Variants in NAA11 observed in about 807,000 individuals in gnomAD.
The protein encoded by NAA11 is N-alpha-acetyltransferase 11, NatA catalytic subunit, also known as N-alpha-acetyltransferase 11.
A neutral mutation model predicts 16.1 loss-of-function variants in NAA11; 15 were observed. That is an observed-to-expected ratio of 0.93 (90% CI 0.62 to 1.44). NAA11 has a LOEUF of 1.44. Ranked by LOEUF, NAA11 falls within the 40% of genes most tolerant of loss-of-function variation. The probability of loss-of-function intolerance (pLI) is 0.00; values close to 1 mark genes in which losing one functional copy is unlikely to be tolerated. For synonymous variants in NAA11, 122 were observed against 112.4 expected, an observed-to-expected ratio of 1.09 and a Z score of -0.54; for missense variants, 298 against 291.3, an observed-to-expected ratio of 1.02 and a Z score of -0.17.
chr4:79,322,591 C>A (rs973059742), intron 1 of NAA11, among the ~76,000 whole-genome samples: 1 of 151,848 alleles, frequency 6.6e-6, no homozygotes, highest in African/African-American at 2.4e-5. Context: ...CAAATAACTA[C>A]AAAGATGAGA....
intron 1 of NAA11, among the ~76,000 whole-genome samples, 167 bp downstream of exon 1, chr4:79,325,009 A>G (rs1349917247): frequency 6.6e-6 from 1 of 152,152 alleles, no homozygotes; most frequent in Non-Finnish European, 1.5e-5. Flanking sequence ...ATAGCGTGTA[A>G]TGAGTCTCCC....
intron 2 of NAA11, among the ~76,000 whole-genome samples, chr4:79,228,610 T>C (rs1187964812): frequency 1.3e-5 from 2 of 151,932 alleles, no homozygotes; most frequent in Non-Finnish European, 2.9e-5. Flanking sequence ...GGGTAATGCA[T>C]TAAGATTTGC....
chr4:79,157,595 G>A, the NAA11 span, among the ~76,000 whole-genome samples: 5 of 151,400 alleles, frequency 3.3e-5, no homozygotes, highest in Admixed American at 1.3e-4. Flanking sequence ...ACGTGTGTGT[G>A]TATATACACA....
At chr4:79,181,678 T>G in the NAA11 span, among the ~76,000 whole-genome samples, 1 of 152,196 alleles carries the variant, frequency 6.6e-6, no homozygotes, top group South Asian at 2.1e-4. Flanking sequence ...TTTGCAGCTT[T>G]GTAACCTGCT....
intron 2 of NAA11, among the ~76,000 whole-genome samples, chr4:79,239,065 T>G (rs963382716): frequency 1.3e-5 from 2 of 152,112 alleles, no homozygotes; most frequent in African/African-American, 4.8e-5. Flanking sequence ...TGAGAAAGAT[T>G]GAGAGAGTGA....
chr4:79,260,839 A>G (rs191919479), intron 2 of NAA11, among the ~76,000 whole-genome samples: 1 of 152,362 alleles, frequency 6.6e-6, no homozygotes, highest in African/African-American at 2.4e-5. Flanking sequence ...ATTGGGGGAA[A>G]GAACAAAAGA....
chr4:79,212,473 T>C, the NAA11 span, among the ~76,000 whole-genome samples: 2 of 151,932 alleles, frequency 1.3e-5, no homozygotes, highest in Admixed American at 6.6e-5. Context: ...GGCCTTGTCA[T>C]GTACATGGCC....
At chr4:79,268,742 G>A (rs998062841) in intron 2 of NAA11, among the ~76,000 whole-genome samples, 19 of 151,722 alleles carry the variant, frequency 1.3e-4, no homozygotes, top group Non-Finnish European at 2.8e-4. Flanking sequence ...GGGTACATGT[G>A]CACATTGTGC....
At chr4:79,184,063 G>GT in the NAA11 span, among the ~76,000 whole-genome samples, 1 of 152,026 alleles carries the variant, frequency 6.6e-6, no homozygotes, top group African/African-American at 2.4e-5. Context: ...GATGGCTTCT[G>GT]TTTTTTTATT....
the NAA11 span, among the ~76,000 whole-genome samples, chr4:79,179,414 A>G: frequency 1.3e-5 from 2 of 152,134 alleles, no homozygotes. Flanking sequence ...TTTGAAGTGT[A>G]TTTCCTTTTT....
chr4:79,185,911 G>C, the NAA11 span, among the ~76,000 whole-genome samples: 1 of 151,548 alleles, frequency 6.6e-6, no homozygotes, highest in Admixed American at 6.6e-5. Context: ...TAGTTCACAC[G>C]AAGTGTTTGC....
chr4:79,180,785 G>A, the NAA11 span, among the ~76,000 whole-genome samples: 2 of 152,124 alleles, frequency 1.3e-5, no homozygotes, highest in Non-Finnish European at 2.9e-5. Flanking sequence ...GCACACGTAT[G>A]TTTACTGCGG....
At chr4:79,315,148 T>C (rs1723889519), downstream of NAA11, among the ~76,000 whole-genome samples, 1 of 151,546 alleles carries the variant, frequency 6.6e-6, no homozygotes, top group Admixed American at 6.6e-5. Context: ...ATGAGCAATG[T>C]AGGAACTAGT....
At chr4:79,193,653 G>A in the NAA11 span, among the ~76,000 whole-genome samples, 1 of 152,144 alleles carries the variant, frequency 6.6e-6, no homozygotes, top group Admixed American at 6.5e-5. Context: ...TTGAAGTCAG[G>A]TAGTGTGATG....
At chr4:79,320,771 A>C (rs2110016941) in intron 1 of NAA11, among the ~76,000 whole-genome samples, 1 of 152,286 alleles carries the variant, frequency 6.6e-6, no homozygotes, top group East Asian at 1.9e-4. Flanking sequence ...AAAAGTACAG[A>C]TAGGGAAAAT....
chr4:79,165,650 T>C, the NAA11 span, among the ~76,000 whole-genome samples: 3 of 152,214 alleles, frequency 2.0e-5, no homozygotes, highest in East Asian at 3.8e-4. Context: ...ATGTTCTTCT[T>C]TTTAAAAACT....
the NAA11 span, among the ~76,000 whole-genome samples, chr4:79,166,245 G>A: frequency 2.6e-5 from 4 of 151,916 alleles, no homozygotes; most frequent in African/African-American, 4.8e-5. Flanking sequence ...CTCTAACCAC[G>A]GTTTTTTCCC....
chr4:79,180,232 C>T, the NAA11 span, among the ~76,000 whole-genome samples: 1 of 152,026 alleles, frequency 6.6e-6, no homozygotes, highest in Admixed American at 6.6e-5. Context: ...GGAAAAAAAT[C>T]ATAATATTCT....
the NAA11 span, among the ~76,000 whole-genome samples, chr4:79,174,950 T>C: frequency 3.3e-5 from 5 of 152,136 alleles, no homozygotes. Flanking sequence ...TCTATTGAAT[T>C]AAGAGAAAAA....
Sources: allele counts gnomAD v4.1 joint callset (sites outside exome capture counted in the v4.1 genomes callset), GRCh38; gene constraint gnomAD v4.1.1; transcripts MANE v1.5; gene names NCBI Gene and HGNC (gene_info 2026-07-23, HGNC 2026-07-21).